CGNL1: variants seen among roughly 807,000 people sequenced by gnomAD.
The protein encoded by CGNL1 is cingulin-like protein 1.
In CGNL1, 132 loss-of-function variants were observed where a neutral mutation model predicts 141.2. The observed-to-expected ratio is 0.93, with a 90% CI of 0.81 to 1.08. CGNL1 has a LOEUF of 1.08. Among genes scored for constraint, CGNL1 ranks in the 50% least tolerant of loss-of-function variants. The probability of loss-of-function intolerance (pLI) is 0.00; values close to 1 mark genes in which losing one functional copy is unlikely to be tolerated. For missense variants in CGNL1, 1,870 were observed against 1,588.6 expected, an observed-to-expected ratio of 1.18 and a Z score of -3.01; for synonymous variants, 690 against 622.1, an observed-to-expected ratio of 1.11 and a Z score of -1.63.
At chr15:57,385,307 G>T (rs2062470884) in intron 1 of CGNL1, among the ~76,000 whole-genome samples, 1 of 152,198 alleles carries the variant, frequency 6.6e-6, no homozygotes. Flanking sequence ...TCTGAGGCAG[G>T]CCGATCAGTT....
intron 4 of CGNL1, among the ~76,000 whole-genome samples, chr15:57,443,765 C>T (rs1256599615): frequency 6.6e-6 from 1 of 152,186 alleles, no homozygotes; most frequent in African/African-American, 2.4e-5. Flanking sequence ...TTTGCTAAAA[C>T]TCTGAAGTCC....
chr15:57,501,785 G>A (rs2064028549), intron 8 of CGNL1, among the ~76,000 whole-genome samples: 1 of 152,154 alleles, frequency 6.6e-6, no homozygotes, highest in Non-Finnish European at 1.5e-5. Context: ...AAAGGGACTG[G>A]CAGCTAAGGA....
At chr15:57,445,476 G>A (rs1429384366) in intron 4 of CGNL1, among the ~76,000 whole-genome samples, 1 of 152,178 alleles carries the variant, frequency 6.6e-6, no homozygotes, top group African/African-American at 2.4e-5. Flanking sequence ...AGGAGAGAAT[G>A]TAAGAACCCT....
chr15:57,481,751 AT>A (rs1308680847), intron 8 of CGNL1, among the ~76,000 whole-genome samples: 4 of 152,040 alleles, frequency 2.6e-5, no homozygotes, highest in Non-Finnish European at 5.9e-5. Context: ...TGTGAATGTG[AT>A]TTAATTTTTT....
chr15:57,415,743 C>A (rs1230655842), intron 1 of CGNL1, among the ~76,000 whole-genome samples: 2 of 152,240 alleles, frequency 1.3e-5, no homozygotes, highest in Non-Finnish European at 2.9e-5. Context: ...CAACGTAGAG[C>A]ATGTTCTTGG....
At chr15:57,511,620 A>G (rs147347312) in intron 8 of CGNL1, among the ~76,000 whole-genome samples, 28 of 152,334 alleles carry the variant, frequency 1.8e-4, no homozygotes, top group Admixed American at 4.6e-4. Context: ...CATTACACAT[A>G]CTGTGTTATC....
Position 57,434,882 on chromosome 15 carries a change from A to T in CGNL1, c.-15-3103A>T, listed in dbSNP as rs549782176. Among the ~76,000 whole-genome samples, 3 of 152,294 alleles carry T rather than the reference A, an allele frequency of 2.0e-5. No individual in the cohort carries two copies. The South Asian group carries it at 6.2e-4, about 32-fold the overall frequency. Reference sequence around the variant, plus strand: ...GGACTTTTTCTTAGAAAACTACTGGAAGTGTCTTCTATCAGACCAATTGGG... The same window carrying T: ...GGACTTTTTCTTAGAAAACTACTGGTAGTGTCTTCTATCAGACCAATTGGG... On this transcript the variant is annotated intron_variant, in intron 1 of 18. Coordinates refer to ENST00000281282, the MANE Select transcript of CGNL1 (RefSeq NM_032866.5).
intron 4 of CGNL1, among the ~76,000 whole-genome samples, chr15:57,446,876 C>G (rs2063259649): frequency 6.6e-6 from 1 of 152,074 alleles, no homozygotes; most frequent in African/African-American, 2.4e-5. Context: ...AGACTCTTTT[C>G]CATTACTTTG....
chr15:57,444,359 T>C (rs2063226606), intron 4 of CGNL1, among the ~76,000 whole-genome samples: 1 of 152,204 alleles, frequency 6.6e-6, no homozygotes, highest in Non-Finnish European at 1.5e-5. Context: ...TTTGGGGCTA[T>C]TAGGAATAAA....
intron 1 of CGNL1, among the ~76,000 whole-genome samples, chr15:57,437,496 G>A (rs183459630): frequency 7.9e-5 from 12 of 151,886 alleles, no homozygotes; most frequent in South Asian, 2.1e-4. Context: ...AATGGTGAGC[G>A]TCAGAATTCC....
chr15:57,433,531 G>T (rs2063069942), intron 1 of CGNL1, among the ~76,000 whole-genome samples: 1 of 152,206 alleles, frequency 6.6e-6, no homozygotes, highest in Non-Finnish European at 1.5e-5. Flanking sequence ...CTGAAATGAG[G>T]TGCTTTGCCT....
chr15:57,504,360 C>T (rs1295196181), intron 8 of CGNL1, among the ~76,000 whole-genome samples: 1 of 152,230 alleles, frequency 6.6e-6, no homozygotes, highest in African/African-American at 2.4e-5. Flanking sequence ...AAACTCAAGT[C>T]TATCTGACTC....
At chr15:57,468,080 T>TG (rs1352035481) in intron 8 of CGNL1, among the ~76,000 whole-genome samples, 43 of 152,122 alleles carry the variant, frequency 2.8e-4, no homozygotes, top group Middle Eastern at 3.4e-3. Context: ...GGGAAGTCAG[T>TG]GGGGTATGGA....
At chr15:57,414,925 T>C (rs926242575) in intron 1 of CGNL1, among the ~76,000 whole-genome samples, 1 of 151,968 alleles carries the variant, frequency 6.6e-6, no homozygotes, top group Non-Finnish European at 1.5e-5. Flanking sequence ...GCTTTGGGGG[T>C]GAGAGAGAAT....
intron 1 of CGNL1, among the ~76,000 whole-genome samples, chr15:57,420,990 C>A (rs2062907836): frequency 6.6e-6 from 1 of 152,208 alleles, no homozygotes; most frequent in Non-Finnish European, 1.5e-5. Context: ...AAAATCCTAA[C>A]TCCCAAGGTT....
intron 1 of CGNL1, among the ~76,000 whole-genome samples, chr15:57,428,084 T>C (rs1391994841): frequency 6.6e-6 from 1 of 152,232 alleles, no homozygotes; most frequent in Non-Finnish European, 1.5e-5. Context: ...CTGTTCTGGA[T>C]GCCAGAAATG....
chr15:57,510,929 T>G (rs2030242472), intron 8 of CGNL1, among the ~76,000 whole-genome samples: 3 of 152,296 alleles, frequency 2.0e-5, no homozygotes, highest in Middle Eastern at 6.8e-3. Flanking sequence ...CTCCGCTATC[T>G]TTCACGGCCC....
At chr15:57,533,873 C>A (rs527985421) in intron 14 of CGNL1, among the ~76,000 whole-genome samples, 31 of 152,330 alleles carry the variant, frequency 2.0e-4, no homozygotes, top group African/African-American at 6.5e-4. Flanking sequence ...GAACCAAGGA[C>A]TTGAAGTAAG....
At chr15:57,502,236 A>G (rs1595771691) in intron 8 of CGNL1, among the ~76,000 whole-genome samples, 1 of 152,148 alleles carries the variant, frequency 6.6e-6, no homozygotes, top group East Asian at 1.9e-4. Context: ...GAGGAAGGAC[A>G]CACTAAACCA....
Sources: gnomAD v4.1 joint callset for allele counts (sites outside exome capture counted in the v4.1 genomes callset) on GRCh38, gnomAD v4.1.1 for gene constraint, MANE v1.5 for transcripts, NCBI Gene and HGNC (gene_info 2026-07-23, HGNC 2026-07-21) for gene names.